The following AMPH variants were observed in gnomAD, a reference collection of about 807,000 sequenced individuals.
AMPH encodes the protein amphiphysin.
A neutral mutation model predicts 99.1 loss-of-function variants in AMPH; 49 were observed. That is an observed-to-expected ratio of 0.49 (90% confidence interval 0.39 to 0.63). The LOEUF is 0.63. Among genes scored for constraint, AMPH ranks in the 20% least tolerant of loss-of-function variants. The probability of loss-of-function intolerance (pLI) is 0.00; values close to 1 mark genes in which losing one functional copy is unlikely to be tolerated. For missense variants in AMPH, 759 were observed against 863.4 expected (o/e 0.88, Z 1.52); for synonymous variants, 314 against 317.3 (o/e 0.99, Z 0.11).
chr7:38,613,846 C>T (rs1232188512), intron 1 of AMPH, among the ~76,000 whole-genome samples: 1 of 151,948 alleles, frequency 6.6e-6, no homozygotes, highest in Non-Finnish European at 1.5e-5. Context: ...ATAGAAGTCT[C>T]CTGCTTCCTC....
chr7:38,489,817 G>A (rs1788653314), intron 5 of AMPH, among the ~76,000 whole-genome samples: 2 of 152,210 alleles, frequency 1.3e-5, no homozygotes, highest in Admixed American at 1.3e-4. Flanking sequence ...GAAAATGACA[G>A]TTGCTAATTA....
chr7:38,524,505 C>T (rs578067538), intron 2 of AMPH, among the ~76,000 whole-genome samples: 14 of 152,208 alleles, frequency 9.2e-5, no homozygotes, highest in South Asian at 2.1e-4. Flanking sequence ...GATGGTAATA[C>T]GGGATCAAAG....
At chr7:38,481,868 C>A (rs993441268) in intron 5 of AMPH, among the ~76,000 whole-genome samples, 1 of 152,100 alleles carries the variant, frequency 6.6e-6, no homozygotes, top group Non-Finnish European at 1.5e-5. Flanking sequence ...CTAATAATTA[C>A]TTTAAATGTA....
intron 3 of AMPH, among the ~76,000 whole-genome samples, chr7:38,497,776 G>T (rs1023113802): frequency 5.3e-5 from 8 of 152,176 alleles, no homozygotes; most frequent in Non-Finnish European, 7.3e-5. Flanking sequence ...CTTTTTCTTA[G>T]ATTCTTAAGG....
At chr7:38,597,652 C>T (rs1305251670) in intron 1 of AMPH, among the ~76,000 whole-genome samples, 2 of 152,060 alleles carry the variant, frequency 1.3e-5, no homozygotes, top group African/African-American at 4.8e-5. Flanking sequence ...TTACTCCTAC[C>T]AAATACCAAT....
At chr7:38,440,926 A>G (rs923426822) in intron 11 of AMPH, among the ~76,000 whole-genome samples, 2 of 152,114 alleles carry the variant, frequency 1.3e-5, no homozygotes, top group Non-Finnish European at 2.9e-5. Flanking sequence ...CATATGAATA[A>G]TAACCTTAAA....
At chr7:38,564,669 A>G (rs566510348) in intron 1 of AMPH, among the ~76,000 whole-genome samples, 133 of 152,328 alleles carry the variant, frequency 8.7e-4, no homozygotes, top group African/African-American at 3.1e-3. Flanking sequence ...TGGAAAGTGA[A>G]TTACCATCTA....
chr7:38,502,958 C>A (rs766321184), intron 3 of AMPH, among the ~76,000 whole-genome samples: 2 of 152,186 alleles, frequency 1.3e-5, no homozygotes, highest in African/African-American at 4.8e-5. Context: ...TCTTTCCCCA[C>A]AAAATCTGCC....
intron 1 of AMPH, among the ~76,000 whole-genome samples, chr7:38,540,239 G>A (rs1790759980): frequency 2.0e-5 from 3 of 152,154 alleles, no homozygotes; most frequent in Non-Finnish European, 2.9e-5. Flanking sequence ...TGACACGTTA[G>A]TATTTTGAAA....
intron 11 of AMPH, among the ~76,000 whole-genome samples, chr7:38,450,313 A>G (rs1462719373): frequency 6.6e-6 from 1 of 152,188 alleles, no homozygotes; most frequent in Non-Finnish European, 1.5e-5. Flanking sequence ...GAGACAGGCA[A>G]TATTTTCTTC....
intron 19 of AMPH, among the ~76,000 whole-genome samples, chr7:38,391,007 GAGAGAGA>G (rs2128974146): frequency 2.9e-5 from 2 of 69,668 alleles, no homozygotes; most frequent in Admixed American, 3.4e-4. Context: ...GAGAGAGAGA[GAGAGAGA>G]GAATGATACA....
intron 11 of AMPH, among the ~76,000 whole-genome samples, chr7:38,442,216 T>C (rs952108554): frequency 3.9e-5 from 6 of 152,110 alleles, no homozygotes; most frequent in Non-Finnish European, 4.4e-5. Context: ...GTTTATCTTA[T>C]GCAACAAACC....
In AMPH at chr7:38,390,055, C is replaced by T; in HGVS notation, c.1879-150G>A. ...GGCCTCTAAAGCCAGAAGGGAAGTC[C>T]TATTCTCTGATATGAGGCCATTCAT... On this transcript the variant is annotated intron_variant, in intron 19 of 20. Coordinates refer to ENST00000356264, the MANE Select transcript of AMPH (RefSeq NM_001635.4). 3 of 632,262 alleles carry T rather than the reference C, an allele frequency of 4.7e-6. No individual in the cohort carries two copies. The South Asian group carries it at 5.7e-5, about 12-fold the overall frequency. The allele number at this position is 632,262 out of a possible 1,614,324, so 39.2% of individuals were successfully genotyped here.
intron 2 of AMPH, among the ~76,000 whole-genome samples, chr7:38,520,036 T>C (rs990351329): frequency 8.5e-5 from 13 of 152,144 alleles, no homozygotes; most frequent in Non-Finnish European, 1.2e-4. Flanking sequence ...TAAAAAATCA[T>C]CTTGGCTATT....
chr7:38,420,002 G>A (rs1417090481), intron 16 of AMPH, among the ~76,000 whole-genome samples: 1 of 152,134 alleles, frequency 6.6e-6, no homozygotes, highest in African/African-American at 2.4e-5. Flanking sequence ...GAGCCCAATT[G>A]CATTTGCTTG....
chr7:38,613,115 A>G (rs1471358555), intron 1 of AMPH, among the ~76,000 whole-genome samples: 1 of 152,222 alleles, frequency 6.6e-6, no homozygotes, highest in Non-Finnish European at 1.5e-5. Flanking sequence ...GACTTGACCA[A>G]GACCATACAG....
In AMPH at chr7:38,441,757, A is replaced by ATCATATATATGATATATATCATATATC. The variant is rs1554336822; in HGVS notation, c.1018-5370_1018-5369insGATATATGATATATATCATATATATGA. Among the ~76,000 whole-genome samples, 63 of 113,364 alleles carry ATCATATATATGATATATATCATATATC rather than the reference A, an allele frequency of 5.6e-4. 3 individuals carry two copies. Among genetic ancestry groups the ATCATATATATGATATATATCATATATC allele is most frequent in the Middle Eastern group, 5.0e-3 (1 of 202 alleles). 74.4% of individuals were successfully genotyped at this position (113,364 alleles called of 152,430 possible). A position where few individuals can be genotyped will look rare whatever the true frequency, so the allele number is the denominator to read the frequency against. ...TATATATGACAGATATATCATATAT[A>ATCATATATATGATATATATCATATATC]TATCATATATATGATATATATCATA... On this transcript the variant is annotated intron_variant, in intron 11 of 20. Transcript: ENST00000356264.
At chr7:38,582,495 A>G (rs897039929) in intron 1 of AMPH, among the ~76,000 whole-genome samples, 4 of 152,230 alleles carry the variant, frequency 2.6e-5, no homozygotes, top group Non-Finnish European at 5.9e-5. Context: ...TTATTCTTTC[A>G]TAAGTTTATG....
chr7:38,438,840 C>T (rs1361688434), intron 11 of AMPH, among the ~76,000 whole-genome samples: 3 of 152,086 alleles, frequency 2.0e-5, no homozygotes, highest in Non-Finnish European at 2.9e-5. Flanking sequence ...TGCACATGTA[C>T]GTAATGTCTA....
Sources: gnomAD v4.1 joint callset for allele counts (sites outside exome capture counted in the v4.1 genomes callset) on GRCh38, gnomAD v4.1.1 for gene constraint, MANE v1.5 for transcripts, NCBI Gene and HGNC (gene_info 2026-07-23, HGNC 2026-07-21) for gene names.